Variants in POLR3B observed in about 807,000 individuals in gnomAD.
The protein encoded by POLR3B is RNA polymerase III subunit B.
POLR3B carries 96 observed loss-of-function variants against 147.4 expected under a neutral mutation model. The ratio of observed to expected loss-of-function variants is 0.65; its 90% CI spans 0.55 to 0.77. POLR3B has a LOEUF of 0.77. Among genes scored for constraint, POLR3B ranks in the 30% least tolerant of loss-of-function variants. The pLI is 0.00. For synonymous variants in POLR3B, 461 were observed against 485.9 expected (o/e 0.95, Z 0.67); for missense variants, 1,036 against 1,413.5 (o/e 0.73, Z 4.28).
intron 12 of POLR3B, among the ~76,000 whole-genome samples, chr12:106,423,579 A>T (rs2037398818): frequency 6.6e-6 from 1 of 152,158 alleles, no homozygotes. Flanking sequence ...TCTGATGTCC[A>T]AGGCCAGGAG....
chr12:106,453,854 G>A (rs1461845637), intron 19 of POLR3B, among the ~76,000 whole-genome samples: 1 of 152,082 alleles, frequency 6.6e-6, no homozygotes, highest in African/African-American at 2.4e-5. Flanking sequence ...CCCCTGATTG[G>A]GCTGTACCCT....
At chr12:106,446,428 A>G (rs954796109) in intron 19 of POLR3B, 2 of 344,978 alleles carry the variant, frequency 5.8e-6, no homozygotes, top group Non-Finnish European at 1.1e-5. Context: ...AAAAAAAAAA[A>G]AAAAAAAGAA....
chr12:106,498,717 T>C (rs1304494105), intron 25 of POLR3B, among the ~76,000 whole-genome samples: 1 of 152,004 alleles, frequency 6.6e-6, no homozygotes, highest in East Asian at 1.9e-4. Context: ...TCCCGAGTAG[T>C]TGGGACTACA....
intron 10 of POLR3B, among the ~76,000 whole-genome samples, chr12:106,403,547 C>G (rs1175639595): frequency 1.3e-5 from 2 of 151,972 alleles, no homozygotes; most frequent in East Asian, 1.9e-4. Context: ...ATAGCAAAGA[C>G]TTAGAATCAA....
intron 10 of POLR3B, among the ~76,000 whole-genome samples, chr12:106,400,084 A>T (rs894753939): frequency 4.6e-5 from 7 of 152,230 alleles, no homozygotes; most frequent in Non-Finnish European, 1.0e-4. Flanking sequence ...GTATTCAGGA[A>T]ACCCATCTAA....
At chr12:106,370,639 T>G (rs1302119191) in intron 6 of POLR3B, among the ~76,000 whole-genome samples, 4 of 150,328 alleles carry the variant, frequency 2.7e-5, no homozygotes, top group African/African-American at 4.9e-5. Flanking sequence ...TTGTTTTTTT[T>G]TTTTTTTTTT....
At chr12:106,401,670 A>G (rs1237725189) in intron 10 of POLR3B, among the ~76,000 whole-genome samples, 1 of 152,256 alleles carries the variant, frequency 6.6e-6, no homozygotes, top group Non-Finnish European at 1.5e-5. Flanking sequence ...ACACAAATCA[A>G]TAAATGTAAT....
Position 106,504,204 on chromosome 12 carries a change from C to T in POLR3B, c.3222C>T (p.Ala1074=), listed in dbSNP as rs746252168. Residue 1074 remains alanine (A), a synonymous_variant, in exon 27 of 28, where the codon GCC becomes GCT. Coordinates refer to ENST00000228347, the MANE Select transcript of POLR3B (RefSeq NM_018082.6). This position sits in a 1 kb window ranked among gnomAD's most constrained non-coding sequence, Gnocchi z 4.6. ...AGAGACTAATGATTTCAAGTGATGC[C>T]TTTGAGGTTGATGTCTGTGGGCAGT... is the stretch of plus-strand genomic sequence containing the variant. The part of the protein sequence containing the change: ...LLERLMISSD[A]FEVDVCGQCG... The T allele has an allele frequency of 6.2e-7, 1 of 1,614,140 alleles. No individual in the cohort carries two copies. The highest frequency in any genetic ancestry group is 1.1e-5 in the South Asian group (1 of 91,078).
chr12:106,414,382 G>A (rs2037273515), intron 12 of POLR3B, among the ~76,000 whole-genome samples: 1 of 151,980 alleles, frequency 6.6e-6, no homozygotes, highest in Non-Finnish European at 1.5e-5. Flanking sequence ...ATTTAATTGA[G>A]CTCTGATCCT....
In POLR3B at chr12:106,380,089, T is replaced by A. The variant is rs1310168108; in HGVS notation, c.673T>A (p.Leu225Met). The change falls in exon 9 of 28, where the codon TTG (leucine) becomes ATG (methionine). Residue 225 changes from leucine (L) to methionine (M), a missense_variant. Transcript: ENST00000228347. ...NMAVKQGRFY[L>M]RHNTLSEDIP... is the part of the protein sequence containing the mutation. ...GGCTGTGAAACAAGGACGATTTTAT[T>A]TGAGGCATAATACTTTGTCAGAAGA... 6.2e-7 allele frequency: 1 copy of A among 1,613,090 alleles called. No individual in the cohort carries two copies. Among genetic ancestry groups the A allele is most frequent in the East Asian group, 2.2e-5 (1 of 44,838 alleles).
chr12:106,465,672 C>G (rs2037994430), intron 23 of POLR3B, among the ~76,000 whole-genome samples: 1 of 152,160 alleles, frequency 6.6e-6, no homozygotes, highest in Non-Finnish European at 1.5e-5. Context: ...TCCAAGTGTT[C>G]TCATTGTTCA....
At chr12:106,389,343 G>T (rs865792956) in intron 9 of POLR3B, among the ~76,000 whole-genome samples, 5 of 152,128 alleles carry the variant, frequency 3.3e-5, no homozygotes, top group Admixed American at 6.6e-5. Context: ...CATGCTTTTT[G>T]CACATATGGT....
intron 16 of POLR3B, 139 bp downstream of exon 16, chr12:106,434,011 T>C: frequency 1.4e-6 from 1 of 701,910 alleles, no homozygotes; most frequent in Admixed American, 2.5e-5. Flanking sequence ...GAGCAAACAC[T>C]TCATGAATAT....
At chr12:106,415,270 T>C (rs1385594598) in intron 12 of POLR3B, among the ~76,000 whole-genome samples, 1 of 152,188 alleles carries the variant, frequency 6.6e-6, no homozygotes, top group East Asian at 1.9e-4. Context: ...TGGCTCCCTC[T>C]GAAAGCAGTG....
intron 7 of POLR3B, 53 bp downstream of exon 7, chr12:106,376,503 G>C: frequency 8.1e-7 from 1 of 1,233,286 alleles, no homozygotes; most frequent in Non-Finnish European, 1.2e-6. Context: ...TTATTCTGCT[G>C]CTGCTGTGGT....
At chr12:106,423,957 A>G (rs2037404008) in intron 12 of POLR3B, among the ~76,000 whole-genome samples, 1 of 151,854 alleles carries the variant, frequency 6.6e-6, no homozygotes, top group Non-Finnish European at 1.5e-5. Context: ...CCCGGGTTCA[A>G]GTGATTCTCC....
chr12:106,504,274 C>G lies in POLR3B; in HGVS notation c.3272+20C>G. 6.3e-7 allele frequency: 1 copy of G among 1,594,278 alleles called. No individual in the cohort carries two copies. Among genetic ancestry groups the G allele is most frequent in the Non-Finnish European group, 8.6e-7 (1 of 1,161,922 alleles). ...TGGCTGGTAAGTGGATACCATATGT[C>G]TCCCATACCACACCCCTTGCCTCTT... On this transcript the variant is annotated intron_variant, in intron 27 of 27. Transcript: ENST00000228347. The surrounding 1 kb of genome is among the most constrained non-coding windows in gnomAD (Gnocchi z 4.6).
intron 10 of POLR3B, among the ~76,000 whole-genome samples, chr12:106,404,930 A>T (rs774766313): frequency 6.6e-6 from 1 of 152,186 alleles, no homozygotes; most frequent in East Asian, 1.9e-4. Context: ...GGTAGGGGTC[A>T]AGATTAATTT....
At chr12:106,399,480 C>G (rs181147118) in intron 10 of POLR3B, among the ~76,000 whole-genome samples, 6 of 152,188 alleles carry the variant, frequency 3.9e-5, no homozygotes, top group Non-Finnish European at 8.8e-5. Flanking sequence ...CAGAGAATGC[C>G]ACAAAGATAC....
Sources: gnomAD v4.1 joint callset for allele counts (sites outside exome capture counted in the v4.1 genomes callset) on GRCh38, gnomAD v4.1.1 for gene constraint, Gnocchi (gnomAD v3.1) non-coding constraint, MANE v1.5 for transcripts, NCBI Gene and HGNC (gene_info 2026-07-23, HGNC 2026-07-21) for gene names.